Variants in AP4E1 observed in about 807,000 individuals in gnomAD.
The protein encoded by AP4E1 is AP-4 complex subunit epsilon-1.
A neutral mutation model predicts 128.2 loss-of-function variants in AP4E1; 56 were observed. The ratio of observed to expected loss-of-function variants is 0.44; its 90% CI spans 0.35 to 0.55. AP4E1 has a LOEUF of 0.55. Among genes scored for constraint, AP4E1 ranks in the 20% least tolerant of loss-of-function variants. AP4E1 has a pLI of 0.00. For synonymous variants in AP4E1, 484 were observed against 473.1 expected, an observed-to-expected ratio of 1.02 and a Z score of -0.30; for missense variants, 1,324 against 1,307.7, an observed-to-expected ratio of 1.01 and a Z score of -0.19.
At chr15:50,947,273 G>A (rs1438789609) in intron 10 of AP4E1, among the ~76,000 whole-genome samples, 1 of 151,710 alleles carries the variant, frequency 6.6e-6, no homozygotes, top group Non-Finnish European at 1.5e-5. Flanking sequence ...AAAATTAGCT[G>A]GGCATGGTGG....
At chr15:50,931,289 G>C (rs1188337519) in intron 7 of AP4E1, among the ~76,000 whole-genome samples, 1 of 144,458 alleles carries the variant, frequency 6.9e-6, no homozygotes, top group East Asian at 2.0e-4. Context: ...ATTTTAGGTG[G>C]CCGGGCATGG....
intron 5 of AP4E1, 139 bp from the exon 6 acceptor site, chr15:50,928,870 A>G (rs1305341509): frequency 1.2e-6 from 1 of 842,434 alleles, no homozygotes; most frequent in Non-Finnish European, 1.8e-6. Flanking sequence ...AAATAAATTA[A>G]TCACAAATGT....
intron 8 of AP4E1, among the ~76,000 whole-genome samples, chr15:50,938,763 A>ACC (rs1479666937): frequency 4.0e-5 from 6 of 151,854 alleles, no homozygotes; most frequent in South Asian, 2.1e-4. Context: ...GTAATGAGGT[A>ACC]CCCCTCTCTC....
chr15:50,919,387 C>G (rs1182318708), intron 3 of AP4E1, among the ~76,000 whole-genome samples: 1 of 151,704 alleles, frequency 6.6e-6, no homozygotes, highest in Non-Finnish European at 1.5e-5. Context: ...ACAGAATTAG[C>G]TGGGCATGGT....
chr15:50,970,400 T>C (rs1262485451), intron 15 of AP4E1, among the ~76,000 whole-genome samples: 1 of 152,230 alleles, frequency 6.6e-6, no homozygotes, highest in Non-Finnish European at 1.5e-5. Flanking sequence ...TTGGCTACTT[T>C]GAATAGTGCT....
At chr15:50,950,767 C>T (rs1469020379) in intron 13 of AP4E1, among the ~76,000 whole-genome samples, 5 of 152,138 alleles carry the variant, frequency 3.3e-5, no homozygotes, top group African/African-American at 1.2e-4. Context: ...TAAAGCTCTC[C>T]ACCCCCACCA....
intron 13 of AP4E1, among the ~76,000 whole-genome samples, chr15:50,955,366 T>G (rs1416543805): frequency 6.6e-6 from 1 of 152,190 alleles, no homozygotes; most frequent in Non-Finnish European, 1.5e-5. Context: ...TTTTTAATGA[T>G]CACCATTCTA....
At chr15:50,935,112 G>T (rs1483854616) in intron 8 of AP4E1, among the ~76,000 whole-genome samples, 1 of 151,998 alleles carries the variant, frequency 6.6e-6, no homozygotes, top group Non-Finnish European at 1.5e-5. Context: ...CCCTATGCAA[G>T]GTACTTAGAA....
intron 19 of AP4E1, among the ~76,000 whole-genome samples, chr15:50,999,721 C>CT (rs1418749301): frequency 6.6e-6 from 1 of 151,650 alleles, no homozygotes; most frequent in African/African-American, 2.4e-5. Context: ...TATTATTATA[C>CT]TTTAAGTTTT....
intron 8 of AP4E1, among the ~76,000 whole-genome samples, chr15:50,939,266 A>G (rs1283997774): frequency 6.6e-6 from 1 of 152,038 alleles, no homozygotes; most frequent in African/African-American, 2.4e-5. Context: ...TGAGGTTAGG[A>G]GTTCAAAACC....
At chr15:50,937,727 G>A (rs887797601) in intron 8 of AP4E1, among the ~76,000 whole-genome samples, 5 of 152,168 alleles carry the variant, frequency 3.3e-5, no homozygotes, top group African/African-American at 1.2e-4. Context: ...GATTGAAGGG[G>A]CTTTTAGGTG....
intron 15 of AP4E1, among the ~76,000 whole-genome samples, chr15:50,972,789 GTTTC>G (rs1376771661): frequency 2.6e-5 from 4 of 152,280 alleles, no homozygotes; most frequent in Admixed American, 6.5e-5. Context: ...CTATGGGGCT[GTTTC>G]TTAGGCTCAT....
chr15:51,000,991 T>G (rs1392430884), intron 19 of AP4E1, 35 bp from the exon 20 acceptor site: 1 of 1,525,144 alleles, frequency 6.6e-7, no homozygotes, highest in Non-Finnish European at 9.1e-7. Context: ...TTTCACTGTT[T>G]TTGACATATA....
At chr15:50,936,492 A>G (rs1417868325) in intron 8 of AP4E1, among the ~76,000 whole-genome samples, 1 of 152,140 alleles carries the variant, frequency 6.6e-6, no homozygotes, top group Non-Finnish European at 1.5e-5. Flanking sequence ...AAAAGGGTAT[A>G]CAATGAACAG....
chr15:50,923,026 C>T (rs1048227177), intron 3 of AP4E1, among the ~76,000 whole-genome samples: 2 of 152,310 alleles, frequency 1.3e-5, no homozygotes, highest in Non-Finnish European at 1.5e-5. Flanking sequence ...ATTCACCCAC[C>T]TCGGCCTCCC....
In AP4E1 at chr15:50,948,175, G is replaced by C. The variant is rs745401976; in HGVS notation, c.1316+16G>C. 1 of 1,613,078 alleles carries C rather than the reference G, an allele frequency of 6.2e-7. No homozygotes were observed. The highest frequency in any genetic ancestry group is 1.1e-5 in the South Asian group (1 of 91,012). On this transcript the variant is annotated intron_variant, in intron 11 of 20. Transcript: ENST00000261842. Reference sequence around the variant, plus strand: ...TGGCTGAGAAATATCCTTTTATTTCGACCATGAGTCTTAAAATAGTTAGTT... The same window carrying C: ...TGGCTGAGAAATATCCTTTTATTTCCACCATGAGTCTTAAAATAGTTAGTT...
intron 15 of AP4E1, among the ~76,000 whole-genome samples, chr15:50,970,484 A>T (rs1016456445): frequency 4.6e-5 from 7 of 152,186 alleles, no homozygotes; most frequent in African/African-American, 1.7e-4. Flanking sequence ...CCCAACTATT[A>T]CTGAATCAGG....
At chr15:50,951,044 A>T (rs1211744617) in intron 13 of AP4E1, among the ~76,000 whole-genome samples, 3 of 152,026 alleles carry the variant, frequency 2.0e-5, no homozygotes, top group Admixed American at 1.3e-4. Context: ...GTGCTATATT[A>T]GTTTTCTTAT....
chr15:50,960,193 A>G (rs2064291804), intron 14 of AP4E1, among the ~76,000 whole-genome samples: 1 of 152,176 alleles, frequency 6.6e-6, no homozygotes, highest in African/African-American at 2.4e-5. Context: ...TTGACACATC[A>G]CTTTCGGAAT....
Sources: allele counts gnomAD v4.1 joint callset (sites outside exome capture counted in the v4.1 genomes callset), GRCh38; gene constraint gnomAD v4.1.1; transcripts MANE v1.5; gene names NCBI Gene and HGNC (gene_info 2026-07-23, HGNC 2026-07-21).